THSD7A: variants seen among roughly 807,000 people sequenced by gnomAD.
The protein encoded by THSD7A is thrombospondin type 1 domain containing 7A.
Under a neutral mutation model 231.3 loss-of-function variants are expected in THSD7A, and 96 were observed. The ratio of observed to expected loss-of-function variants is 0.41; its 90% confidence interval spans 0.35 to 0.49. The LOEUF (loss-of-function observed/expected upper bound fraction) is 0.49, where lower values mean the gene tolerates loss of function less well. Ranked by LOEUF, THSD7A falls within the 20% of genes least tolerant of loss-of-function variation. THSD7A has a pLI of 0.05. For synonymous variants in THSD7A, 940 were observed against 743.3 expected, an observed-to-expected ratio of 1.26 and a Z score of -4.30; for missense variants, 2,290 against 2,070.2, an observed-to-expected ratio of 1.11 and a Z score of -2.06.
At chr7:11,811,279 A>C (rs1015685105) in intron 1 of THSD7A, among the ~76,000 whole-genome samples, 6 of 152,186 alleles carry the variant, frequency 3.9e-5, no homozygotes, top group Admixed American at 3.3e-4. Context: ...TTATGTAAAG[A>C]CCTTCAACAA....
At chr7:11,482,102 C>T (rs558613516) in intron 6 of THSD7A, 120 bp from the exon 7 acceptor site, 15 of 1,149,520 alleles carry the variant, frequency 1.3e-5, no homozygotes, top group East Asian at 5.2e-5. Context: ...CTTAAAAAAA[C>T]GTAGCCAAAA....
intron 26 of THSD7A, chr7:11,376,859 A>G (rs1583629516): frequency 7.7e-6 from 3 of 390,338 alleles, no homozygotes; most frequent in East Asian, 3.7e-5. Context: ...CTATCAAGGA[A>G]AACTGAACTG....
At chr7:11,668,434 GAAAA>G (rs1783233853) in intron 1 of THSD7A, among the ~76,000 whole-genome samples, 1 of 131,120 alleles carries the variant, frequency 7.6e-6, no homozygotes. Flanking sequence ...AAGAAAGAAA[GAAAA>G]GAAAGAAAGA....
At chr7:11,810,592 T>C (rs1296110779) in intron 1 of THSD7A, among the ~76,000 whole-genome samples, 1 of 152,138 alleles carries the variant, frequency 6.6e-6, no homozygotes, top group African/African-American at 2.4e-5. Context: ...TAGATCAAAA[T>C]GTGGAAATGG....
At chr7:11,732,308 T>C (rs1412372205) in intron 1 of THSD7A, among the ~76,000 whole-genome samples, 2 of 151,762 alleles carry the variant, frequency 1.3e-5, no homozygotes, top group Admixed American at 6.6e-5. Context: ...AATCTTAAAA[T>C]GTAAATAGAT....
intron 1 of THSD7A, among the ~76,000 whole-genome samples, chr7:11,730,525 T>C (rs1399722630): frequency 6.6e-6 from 1 of 151,708 alleles, no homozygotes; most frequent in Non-Finnish European, 1.5e-5. Flanking sequence ...CTAAAATTAG[T>C]GTTTGACTAT....
chr7:11,530,300 G>A (rs904407359), intron 6 of THSD7A, among the ~76,000 whole-genome samples: 14 of 152,148 alleles, frequency 9.2e-5, no homozygotes, highest in Non-Finnish European at 1.8e-4. Flanking sequence ...TTGGTGTCAT[G>A]CTTTATTCGA....
At chr7:11,412,893 T>G in intron 17 of THSD7A, 93 bp from the exon 18 acceptor site, 1 of 1,419,936 alleles carries the variant, frequency 7.0e-7, no homozygotes, top group Non-Finnish European at 9.6e-7. Flanking sequence ...GTTAGAACAT[T>G]TGGGCCACTG....
chr7:11,668,707 A>T (rs73294520), intron 1 of THSD7A, among the ~76,000 whole-genome samples: 496 of 152,288 alleles, frequency 3.3e-3, no homozygotes, highest in African/African-American at 0.01. Flanking sequence ...GTGACAGTAA[A>T]TGTAAGTCCT....
chr7:11,593,550 G>T lies in THSD7A; in HGVS notation c.1023-48C>A. 4 of 1,592,154 alleles carry T rather than the reference G, an allele frequency of 2.5e-6. No individual in the cohort carries two copies. In the South Asian group the frequency reaches 4.5e-5, roughly 18 times the overall value. On this transcript the variant is annotated intron_variant, in intron 2 of 27. Transcript: ENST00000423059. ...TCATTACAGACTCACAGGCAGTTAT[G>T]AACTTTGTCTTCTACGCTCAAGAGT...
At chr7:11,670,803 T>G (rs958693671) in intron 1 of THSD7A, among the ~76,000 whole-genome samples, 2 of 152,160 alleles carry the variant, frequency 1.3e-5, no homozygotes, top group Non-Finnish European at 2.9e-5. Context: ...TAAATTAATC[T>G]AATAAAAAAA....
intron 2 of THSD7A, among the ~76,000 whole-genome samples, chr7:11,626,934 T>A (rs1288014913): frequency 6.6e-6 from 1 of 152,164 alleles, no homozygotes; most frequent in African/African-American, 2.4e-5. Flanking sequence ...GGATATTCTT[T>A]TACATGTTCT....
At chr7:11,712,602 A>G (rs886684203) in intron 1 of THSD7A, among the ~76,000 whole-genome samples, 1 of 148,558 alleles carries the variant, frequency 6.7e-6, no homozygotes, top group Non-Finnish European at 1.5e-5. Context: ...GAGGCCAGCT[A>G]TTGACCATCT....
chr7:11,769,923 A>T (rs1381526704), intron 1 of THSD7A, among the ~76,000 whole-genome samples: 1 of 152,244 alleles, frequency 6.6e-6, no homozygotes, highest in East Asian at 1.9e-4. Flanking sequence ...ATTTTTGAAA[A>T]CTGACATATA....
chr7:11,430,509 G>A (rs991149522), intron 13 of THSD7A, among the ~76,000 whole-genome samples: 1 of 152,042 alleles, frequency 6.6e-6, no homozygotes. Flanking sequence ...CACCCAGGCT[G>A]GAGTGCAGTG....
At chr7:11,690,300 TG>T (rs1780192477) in intron 1 of THSD7A, among the ~76,000 whole-genome samples, 1 of 151,766 alleles carries the variant, frequency 6.6e-6, no homozygotes, top group South Asian at 2.1e-4. Flanking sequence ...TATGGTAGAT[TG>T]ATATTACAGG....
intron 1 of THSD7A, among the ~76,000 whole-genome samples, chr7:11,669,587 G>C (rs1354632405): frequency 6.6e-6 from 1 of 151,066 alleles, no homozygotes; most frequent in Non-Finnish European, 1.5e-5. Flanking sequence ...TTTTGGTTAT[G>C]GTTTCCTTGT....
intron 1 of THSD7A, among the ~76,000 whole-genome samples, chr7:11,693,647 T>G (rs1780302264): frequency 6.6e-6 from 1 of 151,508 alleles, no homozygotes; most frequent in Non-Finnish European, 1.5e-5. Flanking sequence ...AGGTTAGGAT[T>G]CTTCCTTTGC....
intron 16 of THSD7A, among the ~76,000 whole-genome samples, chr7:11,419,702 C>T (rs764401797): frequency 6.6e-6 from 1 of 152,166 alleles, no homozygotes; most frequent in Non-Finnish European, 1.5e-5. Context: ...CAGAAGAAGA[C>T]AGGAAGATGA....
Sources: allele counts gnomAD v4.1 joint callset (sites outside exome capture counted in the v4.1 genomes callset), GRCh38; gene constraint gnomAD v4.1.1; transcripts MANE v1.5; gene names NCBI Gene and HGNC (gene_info 2026-07-23, HGNC 2026-07-21).